The following CHD1L variants were observed in gnomAD, a reference collection of about 807,000 sequenced individuals.
CHD1L encodes the protein chromodomain helicase DNA binding protein 1 like.
In CHD1L, 118 loss-of-function variants were observed where a neutral mutation model predicts 115.9. The ratio of observed to expected loss-of-function variants is 1.02; its 90% CI spans 0.88 to 1.19. The LOEUF (loss-of-function observed/expected upper bound fraction) is 1.19. CHD1L is among the 50% of genes most tolerant of loss of function. The pLI is 0.00. For missense variants in CHD1L, 1,179 were observed against 1,065.3 expected (o/e 1.11, Z -1.49); for synonymous variants, 411 against 387.1 (o/e 1.06, Z -0.72).
chr1:147,269,196 T>C (rs1257842024), intron 10 of CHD1L, among the ~76,000 whole-genome samples: 1 of 152,228 alleles, frequency 6.6e-6, no homozygotes, highest in Non-Finnish European at 1.5e-5. Context: ...ATTGTTTGGC[T>C]CTACAAGGAC....
upstream of CHD1L, among the ~76,000 whole-genome samples, chr1:147,240,568 G>A (rs1262569863): frequency 6.6e-6 from 1 of 152,046 alleles, no homozygotes; most frequent in African/African-American, 2.4e-5. Flanking sequence ...CCTCTTTGCA[G>A]TTGAGATAAG....
rs1474170584 is a variant in CHD1L, at chr1:147,275,561, C to A, written c.1385+93C>A. ...ATATAGTCCTGGTGACAGTCCCACACTGGGAGCTGAGAGACCACCAGGTTT... is the reference window on the plus strand; with the variant it reads ...ATATAGTCCTGGTGACAGTCCCACAATGGGAGCTGAGAGACCACCAGGTTT... On this transcript the variant is annotated intron_variant, in intron 13 of 22. Transcript: ENST00000369258. 1.1e-5 allele frequency: 11 copies of A among 983,826 alleles called. No individual in the cohort carries two copies. The East Asian group carries it at 2.4e-4, about 22-fold the overall frequency. The allele number at this position is 983,826 out of a possible 1,614,324, so 60.9% of individuals were successfully genotyped here. A position where few individuals can be genotyped will look rare whatever the true frequency, so the allele number is the denominator to read the frequency against.
rs782669205 is a variant in CHD1L at position 147,266,027 on chromosome 1, T to G, written c.835T>G (p.Tyr279Asp). 1.9e-6 allele frequency: 3 copies of G among 1,613,882 alleles called. No homozygotes were observed. In the South Asian group the frequency reaches 3.3e-5, roughly 18 times the overall value. Residue 279 changes from tyrosine to aspartate, a missense_variant, in exon 8 of 23, where the codon TAC becomes GAC. Transcript: ENST00000369258. ...TCCCAAGAAGACAGAAGTAGTGATA[T>G]ACCATGGCATGTCAGCATTGCAGAA... ...ELPKKTEVVI[Y>D]HGMSALQKKY...
chr1:147,268,243 A>G (rs1674730940), intron 9 of CHD1L, among the ~76,000 whole-genome samples: 1 of 152,042 alleles, frequency 6.6e-6, no homozygotes, highest in Non-Finnish European at 1.5e-5. Context: ...TTTTCTTCAT[A>G]CTGGGGCTTT....
chr1:147,294,336 T>G (rs1227659250), intron 21 of CHD1L, 73 bp from the exon 22 acceptor site: 1 of 960,330 alleles, frequency 1.0e-6, no homozygotes, highest in African/African-American at 1.7e-5. Context: ...ATAATAATTT[T>G]CTCCCATGTG....
the CHD1L span, chr1:147,208,684 C>T: frequency 3.9e-5 from 21 of 539,924 alleles, no homozygotes; most frequent in Non-Finnish European, 5.0e-5. Flanking sequence ...GGTGATCCAC[C>T]CGCCTCCGCC....
the CHD1L span, among the ~76,000 whole-genome samples, chr1:147,236,643 G>A: frequency 0.051 from 7,704 of 151,920 alleles, 320 homozygotes; most frequent in East Asian, 0.16. Context: ...AGCTCTCACA[G>A]AGAGGAGACC....
chr1:147,256,699 T>TG (rs1487573674), intron 5 of CHD1L, 137 bp downstream of exon 5: 2 of 750,092 alleles, frequency 2.7e-6, no homozygotes, highest in Admixed American at 4.8e-5. Flanking sequence ...GTAGGCGGCA[T>TG]GGTGGGAGTC....
the CHD1L span, among the ~76,000 whole-genome samples, chr1:147,222,539 C>A: frequency 1.3e-5 from 2 of 152,178 alleles, no homozygotes; most frequent in Non-Finnish European, 2.9e-5. Context: ...TAGAAACTCT[C>A]TTTGAACTGT....
intron 21 of CHD1L, 89 bp from the exon 22 acceptor site, chr1:147,294,320 T>C (rs1686737243): frequency 5.2e-6 from 4 of 768,284 alleles, no homozygotes; most frequent in South Asian, 2.3e-5. Context: ...TTGAGGGAGA[T>C]AGTCAATAAT....
At chr1:147,191,124 A>C in the CHD1L span, among the ~76,000 whole-genome samples, 7 of 152,166 alleles carry the variant, frequency 4.6e-5, no homozygotes, top group African/African-American at 1.7e-4. Flanking sequence ...TGCTATTGTG[A>C]ATAGTGCCGC....
chr1:147,234,557 C>A, the CHD1L span, among the ~76,000 whole-genome samples: 1 of 152,158 alleles, frequency 6.6e-6, no homozygotes. Flanking sequence ...CGTGGCCTGG[C>A]ATGTAGTTGG....
At chr1:147,267,625 G>C (rs1253215172) in intron 9 of CHD1L, 107 bp downstream of exon 9, 2 of 789,624 alleles carry the variant, frequency 2.5e-6, no homozygotes, top group Non-Finnish European at 4.1e-6. Flanking sequence ...TGTCTACTTT[G>C]TTTATTCTCA....
chr1:147,193,304 T>C, the CHD1L span, among the ~76,000 whole-genome samples: 3 of 152,278 alleles, frequency 2.0e-5, no homozygotes, highest in East Asian at 5.8e-4. Context: ...TGTAGAGGTG[T>C]TTATAGTATT....
At chr1:147,246,733 GT>G (rs1419160103) in intron 1 of CHD1L, among the ~76,000 whole-genome samples, 10 of 151,944 alleles carry the variant, frequency 6.6e-5, no homozygotes, top group African/African-American at 2.4e-4. Flanking sequence ...TGTTGTTGTT[GT>G]TTTTTCACTG....
chr1:147,286,565 G>A (rs1475021559), intron 18 of CHD1L, 65 bp downstream of exon 18: 1 of 1,478,924 alleles, frequency 6.8e-7, no homozygotes, highest in Non-Finnish European at 9.4e-7. Context: ...AACTGGGGAG[G>A]ATGGGGCACT....
intron 12 of CHD1L, 80 bp from the exon 13 acceptor site, chr1:147,275,274 G>T: frequency 9.9e-7 from 1 of 1,008,094 alleles, no homozygotes; most frequent in South Asian, 1.3e-5. Context: ...TTATCAGTCT[G>T]ACCCACTCTA....
At chr1:147,236,139 C>G in the CHD1L span, among the ~76,000 whole-genome samples, 1 of 152,194 alleles carries the variant, frequency 6.6e-6, no homozygotes, top group South Asian at 2.1e-4. Flanking sequence ...GAGGCTCCAG[C>G]TGGACCAGGG....
Position 147,276,155 on chromosome 1 carries a change from C to A in CHD1L, c.1437C>A (p.Val479=). ...LIGRDTVEEI[V]YRKAASKLQL... The stretch of plus-strand genomic sequence containing the variant: ...GTCGAGACACTGTGGAAGAAATAGT[C>A]TATAGGAAAGCAGCCTCCAAACTGC... Residue 479 remains valine, a synonymous_variant, in exon 14 of 23, where the codon GTC becomes GTA. Transcript: ENST00000369258. 6.2e-7 allele frequency: 1 copy of A among 1,614,140 alleles called. No homozygotes were observed. Among genetic ancestry groups the A allele is most frequent in the Non-Finnish European group, 8.5e-7 (1 of 1,180,004 alleles).
Sources: allele counts gnomAD v4.1 joint callset (sites outside exome capture counted in the v4.1 genomes callset), GRCh38; gene constraint gnomAD v4.1.1; transcripts MANE v1.5; gene names NCBI Gene and HGNC (gene_info 2026-07-23, HGNC 2026-07-21).